The following THSD7A variants were observed in gnomAD, a reference collection of about 807,000 sequenced individuals.
The protein encoded by THSD7A is thrombospondin type 1 domain containing 7A.
A neutral mutation model predicts 231.3 loss-of-function variants in THSD7A; 96 were observed. The ratio of observed to expected loss-of-function variants is 0.41; its 90% CI spans 0.35 to 0.49. THSD7A has a LOEUF of 0.49. THSD7A is among the 20% of genes least tolerant of loss of function. THSD7A has a pLI of 0.05. For missense variants in THSD7A, 2,290 were observed against 2,070.2 expected (o/e 1.11, Z -2.06); for synonymous variants, 940 against 743.3 (o/e 1.26, Z -4.30).
At chr7:11,470,810 A>G (rs1785908430) in intron 8 of THSD7A, among the ~76,000 whole-genome samples, 1 of 151,916 alleles carries the variant, frequency 6.6e-6, no homozygotes. Flanking sequence ...TCAAAATAAC[A>G]GCAAAAATAT....
intron 2 of THSD7A, among the ~76,000 whole-genome samples, chr7:11,625,500 A>G (rs565034244): frequency 1.9e-4 from 29 of 152,262 alleles, no homozygotes; most frequent in Admixed American, 3.9e-4. Flanking sequence ...TAGAGAAGAA[A>G]GCATCTCTCA....
At chr7:11,780,784 G>A (rs2128174510) in intron 1 of THSD7A, among the ~76,000 whole-genome samples, 1 of 152,024 alleles carries the variant, frequency 6.6e-6, no homozygotes, top group African/African-American at 2.4e-5. Context: ...AATACAATGA[G>A]AGCTTTAATT....
intron 1 of THSD7A, among the ~76,000 whole-genome samples, chr7:11,661,272 T>A (rs752986542): frequency 2.6e-5 from 4 of 151,328 alleles, no homozygotes; most frequent in Non-Finnish European, 5.9e-5. Context: ...AACACAAATA[T>A]AAATTTTATC....
chr7:11,740,310 C>T (rs915186852), intron 1 of THSD7A, among the ~76,000 whole-genome samples: 5 of 151,882 alleles, frequency 3.3e-5, no homozygotes, highest in Admixed American at 6.6e-5. Context: ...GCATATCTGA[C>T]GAGGTACATG....
chr7:11,744,057 A>G (rs1782195909), intron 1 of THSD7A, among the ~76,000 whole-genome samples: 1 of 151,814 alleles, frequency 6.6e-6, no homozygotes, highest in South Asian at 2.1e-4. Context: ...TTCTTATGTT[A>G]TTTCCTTCTA....
intron 11 of THSD7A, among the ~76,000 whole-genome samples, chr7:11,458,750 A>T (rs888015084): frequency 6.6e-6 from 1 of 152,180 alleles, no homozygotes; most frequent in East Asian, 1.9e-4. Flanking sequence ...GCCACCCAGG[A>T]TGAAGAACGA....
At chr7:11,828,355 C>T (rs968114126) in intron 1 of THSD7A, among the ~76,000 whole-genome samples, 1 of 152,088 alleles carries the variant, frequency 6.6e-6, no homozygotes, top group Non-Finnish European at 1.5e-5. Flanking sequence ...TTTTCCTTCT[C>T]TCTGCTTAGA....
chr7:11,393,971 ACC>A (rs1480363432), intron 23 of THSD7A, among the ~76,000 whole-genome samples: 6 of 152,048 alleles, frequency 3.9e-5, no homozygotes, highest in Non-Finnish European at 7.4e-5. Flanking sequence ...AACTTCCCCA[ACC>A]TAGCAAGACA....
chr7:11,675,483 G>T (rs543875053), intron 1 of THSD7A, among the ~76,000 whole-genome samples: 1 of 152,138 alleles, frequency 6.6e-6, no homozygotes, highest in African/African-American at 2.4e-5. Flanking sequence ...GGATCCCACC[G>T]CCATGGAGCC....
At chr7:11,766,417 A>T (rs940447615) in intron 1 of THSD7A, among the ~76,000 whole-genome samples, 9 of 152,208 alleles carry the variant, frequency 5.9e-5, no homozygotes, top group African/African-American at 2.2e-4. Flanking sequence ...TAAATGAAGT[A>T]GGTAAATAAG....
intron 4 of THSD7A, among the ~76,000 whole-genome samples, chr7:11,583,103 T>C (rs1253936582): frequency 6.6e-6 from 1 of 152,138 alleles, no homozygotes; most frequent in Non-Finnish European, 1.5e-5. Flanking sequence ...CTAATAACTC[T>C]TTAGTTCAAT....
chr7:11,799,838 A>G (rs550453987), intron 1 of THSD7A, among the ~76,000 whole-genome samples: 1 of 152,342 alleles, frequency 6.6e-6, no homozygotes, highest in East Asian at 1.9e-4. Context: ...AGAATGAGAG[A>G]GTTTAGGTCT....
At chr7:11,688,555 A>T (rs1300029414) in intron 1 of THSD7A, among the ~76,000 whole-genome samples, 1 of 151,892 alleles carries the variant, frequency 6.6e-6, no homozygotes, top group Admixed American at 6.6e-5. Flanking sequence ...CAGAATACAC[A>T]GAGTGACCTT....
chr7:11,418,780 C>A (rs1784043735), intron 16 of THSD7A, among the ~76,000 whole-genome samples: 2 of 151,808 alleles, frequency 1.3e-5, no homozygotes, highest in African/African-American at 4.8e-5. Flanking sequence ...TCTTAATGAG[C>A]CTGTAGCCTG....
intron 7 of THSD7A, among the ~76,000 whole-genome samples, chr7:11,478,641 A>G (rs1786293087): frequency 6.6e-6 from 1 of 152,202 alleles, no homozygotes; most frequent in Non-Finnish European, 1.5e-5. Context: ...GAAAGAAAAG[A>G]AGTGCAGTAT....
intron 1 of THSD7A, among the ~76,000 whole-genome samples, chr7:11,734,059 C>T (rs1781824923): frequency 6.6e-6 from 1 of 151,892 alleles, no homozygotes; most frequent in Non-Finnish European, 1.5e-5. Context: ...CTTGGAGACT[C>T]CCTTGAGTCA....
At chr7:11,747,764 G>C (rs1418716801) in intron 1 of THSD7A, among the ~76,000 whole-genome samples, 1 of 151,874 alleles carries the variant, frequency 6.6e-6, no homozygotes, top group Non-Finnish European at 1.5e-5. Context: ...AATTTCTTTG[G>C]AAGGCCATGG....
At chr7:11,786,477 A>G (rs1376861120) in intron 1 of THSD7A, among the ~76,000 whole-genome samples, 1 of 152,088 alleles carries the variant, frequency 6.6e-6, no homozygotes, top group Non-Finnish European at 1.5e-5. Flanking sequence ...TGCAACAGTA[A>G]GTTGTTACCT....
intron 7 of THSD7A, among the ~76,000 whole-genome samples, chr7:11,475,638 C>G (rs1786137950): frequency 6.7e-6 from 1 of 148,362 alleles, no homozygotes; most frequent in South Asian, 2.1e-4. Context: ...CATATATATG[C>G]ATACATGTAA....
Sources: gnomAD v4.1 joint callset for allele counts (sites outside exome capture counted in the v4.1 genomes callset) on GRCh38, gnomAD v4.1.1 for gene constraint, MANE v1.5 for transcripts, NCBI Gene and HGNC (gene_info 2026-07-23, HGNC 2026-07-21) for gene names.